Variants in SHISA9 observed in about 807,000 individuals in gnomAD.
SHISA9 encodes the protein protein shisa-9.
In SHISA9, 13 loss-of-function variants were observed where a neutral mutation model predicts 38.0. The observed-to-expected ratio is 0.34, with a 90% CI of 0.22 to 0.54. The LOEUF (loss-of-function observed/expected upper bound fraction) is 0.54. SHISA9 is among the 20% of genes least tolerant of loss of function. SHISA9 has a pLI of 0.91. For synonymous variants in SHISA9, 275 were observed against 242.0 expected, an observed-to-expected ratio of 1.14 and a Z score of -1.27; for missense variants, 538 against 575.8, an observed-to-expected ratio of 0.93 and a Z score of 0.67.
At chr16:13,479,705 A>G in the SHISA9 span, among the ~76,000 whole-genome samples, 1 of 152,202 alleles carries the variant, frequency 6.6e-6, no homozygotes, top group Non-Finnish European at 1.5e-5. Flanking sequence ...GATTAATTGG[A>G]AAACAGGGAG....
intron 2 of SHISA9, among the ~76,000 whole-genome samples, chr16:12,993,448 T>C (rs943110352): frequency 6.6e-6 from 1 of 152,200 alleles, no homozygotes; most frequent in African/African-American, 2.4e-5. Context: ...TCTACCTTTC[T>C]GAGCTTCAGT....
At chr16:13,189,778 A>G (rs2050864998) in intron 2 of SHISA9, among the ~76,000 whole-genome samples, 1 of 152,226 alleles carries the variant, frequency 6.6e-6, no homozygotes, top group Non-Finnish European at 1.5e-5. Flanking sequence ...TTACATGACA[A>G]TTTATCCTAA....
chr16:13,302,175 G>T, the SHISA9 span, among the ~76,000 whole-genome samples: 1 of 152,116 alleles, frequency 6.6e-6, no homozygotes, highest in African/African-American at 2.4e-5. Context: ...AGGGAAACTT[G>T]GAAAGCCAGA....
chr16:13,157,554 A>G (rs2050558122), intron 2 of SHISA9, among the ~76,000 whole-genome samples: 1 of 152,218 alleles, frequency 6.6e-6, no homozygotes, highest in African/African-American at 2.4e-5. Flanking sequence ...TCATACATGG[A>G]AAGTACTTAA....
the SHISA9 span, among the ~76,000 whole-genome samples, chr16:13,479,924 A>T: frequency 6.6e-6 from 1 of 152,236 alleles, no homozygotes; most frequent in Non-Finnish European, 1.5e-5. Context: ...GCGTCTGTTA[A>T]GACAAGATGG....
At chr16:13,465,987 G>A in the SHISA9 span, among the ~76,000 whole-genome samples, 1 of 152,242 alleles carries the variant, frequency 6.6e-6, no homozygotes, top group African/African-American at 2.4e-5. Flanking sequence ...TTTGCAATCT[G>A]CCCCTTTACG....
the SHISA9 span, among the ~76,000 whole-genome samples, chr16:13,508,806 G>A: frequency 6.6e-6 from 1 of 152,098 alleles, no homozygotes; most frequent in Non-Finnish European, 1.5e-5. Context: ...TCATTGGCAG[G>A]TTGCTAATAT....
At chr16:12,938,453 G>A (rs1273772066) in intron 2 of SHISA9, among the ~76,000 whole-genome samples, 2 of 151,926 alleles carry the variant, frequency 1.3e-5, no homozygotes, top group Admixed American at 6.6e-5. Context: ...TTCTCTCCAA[G>A]TCAGCTTACA....
At chr16:13,489,791 A>G in the SHISA9 span, among the ~76,000 whole-genome samples, 7 of 152,240 alleles carry the variant, frequency 4.6e-5, no homozygotes, top group South Asian at 1.4e-3. Flanking sequence ...GCTATGAGAT[A>G]GATTCTATTA....
At chr16:13,562,724 CAGA>C in the SHISA9 span, 1 of 151,144 alleles carries the variant, frequency 6.6e-6, no homozygotes, top group Non-Finnish European at 1.5e-5. Context: ...ACGATGGAGG[CAGA>C]AGAAGGATTC....
chr16:12,984,564 C>T (rs557879261), intron 2 of SHISA9, among the ~76,000 whole-genome samples: 75 of 152,210 alleles, frequency 4.9e-4, no homozygotes, highest in African/African-American at 1.7e-3. Flanking sequence ...GTAAGTGGTT[C>T]TTGAGGTGAT....
chr16:13,286,169 A>G, the SHISA9 span, among the ~76,000 whole-genome samples: 5 of 152,192 alleles, frequency 3.3e-5, no homozygotes, highest in African/African-American at 1.2e-4. Context: ...TGCAATATTC[A>G]TCTTACATCT....
the SHISA9 span, among the ~76,000 whole-genome samples, chr16:13,352,386 A>T: frequency 1.3e-5 from 2 of 152,224 alleles, no homozygotes; most frequent in Non-Finnish European, 2.9e-5. Flanking sequence ...ATCACAATGA[A>T]GTTCAAGTCA....
At chr16:13,002,585 T>G (rs551809736) in intron 2 of SHISA9, among the ~76,000 whole-genome samples, 51 of 148,678 alleles carry the variant, frequency 3.4e-4, no homozygotes, top group Admixed American at 1.4e-3. Flanking sequence ...CAGGCTTCAG[T>G]GCAGTGGTGT....
chr16:13,102,460 G>A (rs771109035), intron 2 of SHISA9, among the ~76,000 whole-genome samples: 2 of 152,120 alleles, frequency 1.3e-5, no homozygotes, highest in Non-Finnish European at 2.9e-5. Flanking sequence ...TTCTCTAAGG[G>A]TGAACTCCGT....
the SHISA9 span, among the ~76,000 whole-genome samples, chr16:13,549,551 GAA>G: frequency 6.6e-6 from 1 of 150,776 alleles, no homozygotes; most frequent in South Asian, 2.1e-4. Flanking sequence ...TTATATTTAA[GAA>G]AAAAAAACTC....
At chr16:13,299,763 T>A in the SHISA9 span, among the ~76,000 whole-genome samples, 8 of 152,056 alleles carry the variant, frequency 5.3e-5, no homozygotes, top group South Asian at 1.7e-3. Flanking sequence ...GTCCAAGCTC[T>A]TAACCATCCT....
chr16:13,276,294 A>T, the SHISA9 span, among the ~76,000 whole-genome samples: 1 of 148,202 alleles, frequency 6.7e-6, no homozygotes, highest in African/African-American at 2.6e-5. Flanking sequence ...TATATAGCAC[A>T]GTTTCTTTAT....
At chr16:13,059,077 G>A (rs919391916) in intron 2 of SHISA9, among the ~76,000 whole-genome samples, 3 of 147,386 alleles carry the variant, frequency 2.0e-5, no homozygotes, top group Non-Finnish European at 3.0e-5. Flanking sequence ...ACCTCTGAAT[G>A]TGATATTATT....
Sources: allele counts gnomAD v4.1 joint callset (sites outside exome capture counted in the v4.1 genomes callset), GRCh38; gene constraint gnomAD v4.1.1; transcripts MANE v1.5; gene names NCBI Gene and HGNC (gene_info 2026-07-23, HGNC 2026-07-21).